GRIK1: variants seen among roughly 807,000 people sequenced by gnomAD.
GRIK1 encodes the protein glutamate ionotropic receptor kainate type subunit 1.
In GRIK1, 69 loss-of-function variants were observed where a neutral mutation model predicts 105.7. The observed-to-expected ratio is 0.65, with a 90% CI of 0.54 to 0.80. GRIK1 has a LOEUF of 0.80. Among genes scored for constraint, GRIK1 ranks in the 30% least tolerant of loss-of-function variants. GRIK1 has a pLI of 0.00. For synonymous variants in GRIK1, 438 were observed against 431.3 expected (o/e 1.02, Z -0.19); for missense variants, 1,109 against 1,167.3 (o/e 0.95, Z 0.73).
At chr21:29,596,007 A>C (rs1018380723) in intron 9 of GRIK1, 5 of 249,494 alleles carry the variant, frequency 2.0e-5, no homozygotes, top group African/African-American at 1.1e-4. Flanking sequence ...ACTCTGATGA[A>C]GATATCACAC....
intron 1 of GRIK1, among the ~76,000 whole-genome samples, chr21:29,849,517 G>T (rs552388346): frequency 6.6e-6 from 1 of 152,290 alleles, no homozygotes; most frequent in Non-Finnish European, 1.5e-5. Context: ...TCCTTCCTTA[G>T]AGCGTCAGAC....
At position 29,939,726 on chromosome 21, in the gene GRIK1, G is replaced by A. The variant is rs907792523; in HGVS notation, c.-226C>T. On this transcript the variant is annotated 5_prime_UTR_variant, in exon 1 of 18. Transcript: ENST00000327783. ...CTCAGTGCTGTCGCTAGCCCATCAC[G>A]GCTCCTCCTCCTCCTCTTCCATGGG... 6 of 415,758 alleles carry A rather than the reference G, an allele frequency of 1.4e-5. No homozygotes were observed. Among genetic ancestry groups the A allele is most frequent in the African/African-American group, 1.0e-4 (5 of 48,166 alleles). 25.8% of individuals were successfully genotyped at this position (415,758 alleles called of 1,614,324 possible).
chr21:29,853,623 T>G (rs469487), intron 1 of GRIK1, among the ~76,000 whole-genome samples: 80,709 of 152,102 alleles, frequency 0.53, 25,771 homozygotes, highest in Non-Finnish European at 0.7. Flanking sequence ...TATGCTTTCC[T>G]CTAGTCAACT....
At chr21:29,541,491 T>C (rs1258799830) in intron 16 of GRIK1, among the ~76,000 whole-genome samples, 1 of 152,022 alleles carries the variant, frequency 6.6e-6, no homozygotes, top group East Asian at 1.9e-4. Flanking sequence ...GGGTGGCATA[T>C]TTTAAGTATG....
At chr21:29,576,775 C>T (rs2090904937) in intron 14 of GRIK1, among the ~76,000 whole-genome samples, 189 bp downstream of exon 14, 1 of 151,928 alleles carries the variant, frequency 6.6e-6, no homozygotes, top group South Asian at 2.1e-4. Context: ...ACCAAAGAAA[C>T]TGCTTTATGC....
At chr21:29,543,787 A>C (rs1348240473) in intron 16 of GRIK1, among the ~76,000 whole-genome samples, 1 of 152,150 alleles carries the variant, frequency 6.6e-6, no homozygotes. Flanking sequence ...GGTCGCCCAT[A>C]CTAATCTCCA....
At chr21:29,848,755 G>GTGTGTATATATA (rs773386863) in intron 1 of GRIK1, among the ~76,000 whole-genome samples, 4 of 91,226 alleles carry the variant, frequency 4.4e-5, no homozygotes, top group East Asian at 3.2e-4. Flanking sequence ...AGTTGTGTGT[G>GTGTGTATATATA]TATATATATA....
chr21:29,847,762 T>C (rs188146912), intron 1 of GRIK1, among the ~76,000 whole-genome samples: 29 of 152,328 alleles, frequency 1.9e-4, no homozygotes, highest in African/African-American at 6.7e-4. Flanking sequence ...CAGCTGGACT[T>C]CCACTTTTCC....
intron 7 of GRIK1, among the ~76,000 whole-genome samples, chr21:29,605,832 T>C (rs904000220): frequency 1.3e-5 from 2 of 152,172 alleles, no homozygotes; most frequent in African/African-American, 2.4e-5. Context: ...TTGTTTCCTA[T>C]TGAGAGAGAC....
intron 1 of GRIK1, among the ~76,000 whole-genome samples, chr21:29,880,405 C>G (rs747821092): frequency 5.9e-5 from 9 of 152,088 alleles, no homozygotes; most frequent in Non-Finnish European, 1.2e-4. Flanking sequence ...TTCCAATTTC[C>G]TATGATCAGA....
At chr21:29,747,191 C>T (rs1222867619) in intron 1 of GRIK1, among the ~76,000 whole-genome samples, 1 of 152,122 alleles carries the variant, frequency 6.6e-6, no homozygotes, top group East Asian at 1.9e-4. Context: ...TGTAACCTGC[C>T]TGAATGTATT....
chr21:29,914,443 G>A (rs536559247), intron 1 of GRIK1, among the ~76,000 whole-genome samples: 1 of 152,056 alleles, frequency 6.6e-6, no homozygotes, highest in Non-Finnish European at 1.5e-5. Context: ...CTATGGGGCA[G>A]TCATGTGAGA....
chr21:29,874,416 C>T (rs1365412313), intron 1 of GRIK1, among the ~76,000 whole-genome samples: 1 of 152,202 alleles, frequency 6.6e-6, no homozygotes. Flanking sequence ...AGGCCAGATG[C>T]AGACCTTCCA....
At chr21:29,791,674 G>A (rs1352863485) in intron 1 of GRIK1, among the ~76,000 whole-genome samples, 1 of 152,184 alleles carries the variant, frequency 6.6e-6, no homozygotes, top group African/African-American at 2.4e-5. Context: ...ATTGGTCAAT[G>A]ATGGCTTTCT....
intron 16 of GRIK1, among the ~76,000 whole-genome samples, chr21:29,554,141 C>T (rs566883554): frequency 1.6e-4 from 24 of 152,002 alleles, no homozygotes; most frequent in African/African-American, 5.5e-4. Context: ...GGGTCCAGTG[C>T]GAAATGAAAA....
chr21:29,677,646 G>T (rs973151221), intron 3 of GRIK1, among the ~76,000 whole-genome samples: 1 of 151,858 alleles, frequency 6.6e-6, no homozygotes, highest in Non-Finnish European at 1.5e-5. Context: ...TTCCTTTTAA[G>T]TAATAACAAA....
chr21:29,845,433 G>A (rs956586665), intron 1 of GRIK1, among the ~76,000 whole-genome samples: 1 of 152,050 alleles, frequency 6.6e-6, no homozygotes, highest in African/African-American at 2.4e-5. Context: ...TGTTTCTGTG[G>A]TTTTTATTTC....
intron 1 of GRIK1, among the ~76,000 whole-genome samples, chr21:29,918,591 A>G (rs907177840): frequency 2.0e-5 from 3 of 152,100 alleles, no homozygotes; most frequent in African/African-American, 7.2e-5. Context: ...TTTCTGGCAT[A>G]TTTCATAGCA....
rs1291994311 is a variant in GRIK1, at chr21:29,801,272, ACTTT to A, written c.119-107213_119-107210del. ...AAAAGTAATTGCGGTTTTTACCATTACTTTTAATGGTAAAAACCGCAATTACTTT... is the reference window on the plus strand; with the variant it reads ...AAAAGTAATTGCGGTTTTTACCATTATAATGGTAAAAACCGCAATTACTTT... On this transcript the variant is annotated intron_variant, in intron 1 of 17. Coordinates refer to ENST00000327783, the MANE Select transcript of GRIK1 (RefSeq NM_001330994.2). Among the ~76,000 whole-genome samples the A allele has an allele frequency of 8.7e-4, 132 of 151,492 alleles. 1 individual carries two copies. The East Asian group carries it at 0.023, about 26-fold the overall frequency.
Sources: gnomAD v4.1 joint callset for allele counts (sites outside exome capture counted in the v4.1 genomes callset) on GRCh38, gnomAD v4.1.1 for gene constraint, MANE v1.5 for transcripts, NCBI Gene and HGNC (gene_info 2026-07-23, HGNC 2026-07-21) for gene names.